ZNF71: variants seen among roughly 807,000 people sequenced by gnomAD.
ZNF71 encodes endothelial zinc finger protein induced by tumor necrosis factor alpha.
In ZNF71, 3 loss-of-function variants were observed where a neutral mutation model predicts 6.7. That is an observed-to-expected ratio of 0.45 (90% CI 0.20 to 1.16). The LOEUF (loss-of-function observed/expected upper bound fraction) is 1.16, where lower values mean the gene tolerates loss of function less well. Ranked by LOEUF, ZNF71 falls within the 50% of genes most tolerant of loss-of-function variation. The pLI, the probability that ZNF71 is intolerant of heterozygous loss-of-function variation, is 0.25. For missense variants in ZNF71, 688 were observed against 728.6 expected (o/e 0.94, Z 0.64); for synonymous variants, 343 against 311.1 (o/e 1.10, Z -1.08).
Position 56,618,237 on chromosome 19 carries a change from T to C in ZNF71, c.161-3031T>C, listed in dbSNP as rs556610801. On this transcript the variant is annotated intron_variant, in intron 3 of 3. Coordinates refer to ENST00000599599, the MANE Select transcript of ZNF71 (RefSeq NM_001370215.1). This position sits in a 1 kb window ranked among gnomAD's most constrained non-coding sequence, Gnocchi z 4.6. ...TGAATCCTGCTGTGCCTCAGGTGTA[T>C]TGTGCCCTCGAGTACATCTCTGACT... Among the ~76,000 whole-genome samples, 1 of 152,232 alleles carries C rather than the reference T, an allele frequency of 6.6e-6. No individual in the cohort carries two copies. The highest frequency in any genetic ancestry group is 1.5e-5 in the Non-Finnish European group (1 of 68,052).
chr19:56,606,259 CA>C (rs2044709421), intron 2 of ZNF71, among the ~76,000 whole-genome samples: 3 of 152,090 alleles, frequency 2.0e-5, no homozygotes, highest in Middle Eastern at 6.3e-3. Context: ...AAATATTCGT[CA>C]AATGAATACA....
chr19:56,600,183 GTA>G (rs2044659004), intron 1 of ZNF71, among the ~76,000 whole-genome samples: 1 of 41,222 alleles, frequency 2.4e-5, no homozygotes, highest in African/African-American at 3.3e-4. Flanking sequence ...GCAACCCTCT[GTA>G]TTTTTTTTTT....
intron 2 of ZNF71, among the ~76,000 whole-genome samples, chr19:56,602,872 CT>C (rs1214691375): frequency 1.3e-5 from 2 of 152,080 alleles, no homozygotes; most frequent in African/African-American, 4.8e-5. Flanking sequence ...ACTGTGGTGT[CT>C]TTCTTCATCT....
At position 56,601,574 on chromosome 19, in the gene ZNF71, C is replaced by T; in HGVS notation, c.16C>T (p.Leu6=). The change falls in exon 2 of 4, where the codon CTG becomes TTG. Residue 6 remains leucine (L), a synonymous_variant. Transcript: ENST00000599599. MAAQL[L]TDEALESVTF... is the part of the protein sequence containing the mutation. ...CAGCAGAGGGATGGCTGCTCAGCTG[C>T]TGACTGATGAGGCACTGGTGAGTCA... 1 of 985,900 alleles carries T rather than the reference C, an allele frequency of 1.0e-6. No individual in the cohort carries two copies. Among genetic ancestry groups the T allele is most frequent in the Non-Finnish European group, 1.2e-6 (1 of 830,046 alleles). The allele number at this position is 985,900 out of a possible 1,614,324, so 61.1% of individuals were successfully genotyped here. A position where few individuals can be genotyped will look rare whatever the true frequency, so the allele number is the denominator to read the frequency against.
At chr19:56,599,438 C>G (rs1386415467) in intron 1 of ZNF71, among the ~76,000 whole-genome samples, 1 of 152,084 alleles carries the variant, frequency 6.6e-6, no homozygotes, top group Non-Finnish European at 1.5e-5. Context: ...AACTTTAAAA[C>G]AAATTGAAGT....
At chr19:56,608,717 A>AACACACAC (rs34794314) in intron 2 of ZNF71, among the ~76,000 whole-genome samples, 13 of 151,506 alleles carry the variant, frequency 8.6e-5, no homozygotes, top group African/African-American at 3.1e-4. Flanking sequence ...GGAGGCTGCC[A>AACACACAC]ACACACACAC....
rs778840744 is a variant in ZNF71 at position 56,623,438 on chromosome 19, T to A, written c.*681T>A. The A allele has an allele frequency of 2.4e-5, 4 of 167,118 alleles. No homozygotes were observed. The highest frequency in any genetic ancestry group is 4.4e-5 in the Non-Finnish European group (3 of 68,136). The allele number at this position is 167,118 out of a possible 1,614,324, so 10.4% of individuals were successfully genotyped here. A position where few individuals can be genotyped will look rare whatever the true frequency, so the allele number is the denominator to read the frequency against. ...AAACTTTTAATTAAGGGAGACTATGTTATTTTAAACAGTCTTCTGTTTTGG... is the reference window on the plus strand; with the variant it reads ...AAACTTTTAATTAAGGGAGACTATGATATTTTAAACAGTCTTCTGTTTTGG... On this transcript the variant is annotated 3_prime_UTR_variant, in exon 4 of 4. Transcript: ENST00000599599.
intron 1 of ZNF71, among the ~76,000 whole-genome samples, chr19:56,595,732 T>C (rs2044614873): frequency 6.6e-6 from 1 of 151,980 alleles, no homozygotes; most frequent in Non-Finnish European, 1.5e-5. Context: ...GCTGTGTCTT[T>C]GTGGATATTG....
chr19:56,608,553 T>C (rs2044727164), intron 2 of ZNF71, among the ~76,000 whole-genome samples: 1 of 152,200 alleles, frequency 6.6e-6, no homozygotes, highest in South Asian at 2.1e-4. Flanking sequence ...TTTTGGCGAT[T>C]GTGAATAGTG....
At chr19:56,615,134 C>T (rs549195904) in intron 3 of ZNF71, among the ~76,000 whole-genome samples, 153 of 152,264 alleles carry the variant, frequency 1.0e-3, no homozygotes, top group South Asian at 1.9e-3. Flanking sequence ...TTCAGCCATT[C>T]GCCTGGTGAT....
At position 56,622,910 on chromosome 19, in the gene ZNF71, T is replaced by C. The variant is rs1002081840; in HGVS notation, c.*153T>C. ...GTGGGGTTGTGGAGGGGCTGGCTGATCACACATGCCCCCTCCTTACTGAGC... is the reference window on the plus strand; with the variant it reads ...GTGGGGTTGTGGAGGGGCTGGCTGACCACACATGCCCCCTCCTTACTGAGC... On this transcript the variant is annotated 3_prime_UTR_variant, in exon 4 of 4. Transcript: ENST00000599599. 3.1e-6 allele frequency: 3 copies of C among 981,980 alleles called. No homozygotes were observed. The highest frequency in any genetic ancestry group is 3.3e-4 in the Middle Eastern group (1 of 3,076). 60.8% of individuals were successfully genotyped at this position (981,980 alleles called of 1,614,324 possible).
intron 2 of ZNF71, among the ~76,000 whole-genome samples, chr19:56,607,574 G>A (rs959190327): frequency 2.0e-5 from 3 of 152,120 alleles, no homozygotes; most frequent in South Asian, 2.1e-4. Flanking sequence ...GCAGAGGTTA[G>A]GTAATTGAAG....
rs1403187683 is a variant in ZNF71, at chr19:56,621,987, C to T, written c.880C>T (p.Arg294Trp). ...GACTTCCTCTCTCACCCAGCACGAG[C>T]GGATCCACACGGGGGAGAAGCCCTA... ...RKTSSLTQHE[R>W]IHTGEKPYAC... The change falls in exon 4 of 4, where the codon CGG becomes TGG. Residue 294 changes from arginine to tryptophan, a missense_variant. Physicochemically the swap from Arg to Trp is moderately radical, Grantham distance 101. Coordinates refer to ENST00000599599, the MANE Select transcript of ZNF71 (RefSeq NM_001370215.1). 6.2e-7 allele frequency: 1 copy of T among 1,605,466 alleles called. No homozygotes were observed. The highest frequency in any genetic ancestry group is 8.5e-7 in the Non-Finnish European group (1 of 1,177,920).
chr19:56,595,980 G>A (rs952186089), intron 1 of ZNF71, among the ~76,000 whole-genome samples: 2 of 149,508 alleles, frequency 1.3e-5, no homozygotes, highest in African/African-American at 4.9e-5. Flanking sequence ...GGTCATGTGT[G>A]GTAGCGTGTG....
intron 1 of ZNF71, among the ~76,000 whole-genome samples, chr19:56,597,355 T>C (rs1317545628): frequency 2.6e-5 from 4 of 152,142 alleles, no homozygotes; most frequent in African/African-American, 9.7e-5. Context: ...GATGGTAATA[T>C]GAAGTTTCTA....
rs747970786 is a variant in ZNF71 at position 56,622,356 on chromosome 19, A to T, written c.1249A>T (p.Ser417Cys). ...FHIGVKPFEC[S>C]ECGKAFSKNS... ...CATCGGCGTGAAGCCGTTCGAGTGC[A>T]GCGAGTGCGGCAAGGCCTTCAGCAA... The change falls in exon 4 of 4, where the codon AGC (serine) becomes TGC (cysteine). Residue 417 changes from serine to cysteine, a missense_variant. Coordinates refer to ENST00000599599, the MANE Select transcript of ZNF71 (RefSeq NM_001370215.1). 6.2e-7 allele frequency: 1 copy of T among 1,605,978 alleles called. No homozygotes were observed. Among genetic ancestry groups the T allele is most frequent in the Admixed American group, 1.7e-5 (1 of 59,298 alleles).
At chr19:56,615,887 C>G (rs968658025) in intron 3 of ZNF71, among the ~76,000 whole-genome samples, 4 of 152,020 alleles carry the variant, frequency 2.6e-5, no homozygotes, top group Non-Finnish European at 5.9e-5. Flanking sequence ...AGATTTATTC[C>G]TGTGTTTTAT....
intron 2 of ZNF71, among the ~76,000 whole-genome samples, chr19:56,610,703 C>T (rs2044744849): frequency 6.6e-6 from 1 of 152,198 alleles, no homozygotes; most frequent in African/African-American, 2.4e-5. Flanking sequence ...TAGACATTGT[C>T]CCAGTCTGTT....
intron 1 of ZNF71, among the ~76,000 whole-genome samples, chr19:56,595,853 TTGTGTGTGTGTGTGTGTGTG>T (rs60371305): frequency 1.5e-5 from 2 of 137,502 alleles, no homozygotes; most frequent in Non-Finnish European, 1.6e-5. Context: ...GTGTGTGTGT[TTGTGTGTGTGTGTGTGTGTG>T]TGTGTGTGTG....
Sources: allele counts gnomAD v4.1 joint callset (sites outside exome capture counted in the v4.1 genomes callset), GRCh38; gene constraint gnomAD v4.1.1; non-coding constraint Gnocchi (gnomAD v3.1); transcripts MANE v1.5; gene names NCBI Gene and HGNC (gene_info 2026-07-23, HGNC 2026-07-21).